Variants in CNTNAP4 observed in about 807,000 individuals in gnomAD.
The protein encoded by CNTNAP4 is contactin associated protein family member 4, also known as contactin-associated protein-like 4.
A neutral mutation model predicts 148.4 loss-of-function variants in CNTNAP4; 98 were observed. That is an observed-to-expected ratio of 0.66 (90% CI 0.56 to 0.78). The LOEUF (loss-of-function observed/expected upper bound fraction) is 0.78, where lower values mean the gene tolerates loss of function less well. CNTNAP4 is among the 30% of genes least tolerant of loss of function. The pLI is 0.00. For missense variants in CNTNAP4, 1,935 were observed against 1,565.6 expected, an observed-to-expected ratio of 1.24 and a Z score of -3.98; for synonymous variants, 730 against 565.1, an observed-to-expected ratio of 1.29 and a Z score of -4.14.
At chr16:76,418,060 G>C (rs1475026420) in intron 3 of CNTNAP4, among the ~76,000 whole-genome samples, 1 of 150,632 alleles carries the variant, frequency 6.6e-6, no homozygotes, top group Non-Finnish European at 1.5e-5. Context: ...ACTGTAATTT[G>C]CATCTGATAT....
At chr16:76,415,370 G>C (rs1597465111) in intron 3 of CNTNAP4, among the ~76,000 whole-genome samples, 1 of 150,936 alleles carries the variant, frequency 6.6e-6, no homozygotes, top group East Asian at 1.9e-4. Context: ...AACTTAAAAT[G>C]AGCATATCTA....
chr16:76,476,402 C>A (rs1275380887), intron 11 of CNTNAP4, among the ~76,000 whole-genome samples: 1 of 152,178 alleles, frequency 6.6e-6, no homozygotes, highest in Non-Finnish European at 1.5e-5. Flanking sequence ...CAAATTCTTA[C>A]TATTCATACA....
At position 76,452,591 on chromosome 16, in the gene CNTNAP4, C is replaced by T. The variant is rs1189787756; in HGVS notation, c.1155C>T (p.Asp385=). 2 of 1,614,002 alleles carry T rather than the reference C, an allele frequency of 1.2e-6. No individual in the cohort carries two copies. The highest frequency in any genetic ancestry group is 1.7e-5 in the Admixed American group (1 of 60,028). ...LSSRSYLALP[D]FSGEEEVSAT... The stretch of plus-strand genomic sequence containing the variant: ...CCAGGAGTTATTTAGCACTGCCAGA[C>T]TTCTCTGGAGAGGAGGAGGTTTCTG... Residue 385 remains aspartate (D), a synonymous_variant, in exon 8 of 24, where the codon GAC becomes GAT. Transcript: ENST00000611870.
intron 12 of CNTNAP4, among the ~76,000 whole-genome samples, chr16:76,485,134 T>C (rs563167223): frequency 6.6e-6 from 1 of 152,224 alleles, no homozygotes; most frequent in Non-Finnish European, 1.5e-5. Context: ...TTTCTTTTTT[T>C]GAGACAAAGT....
At chr16:76,328,219 A>C (rs1963185736) in intron 2 of CNTNAP4, among the ~76,000 whole-genome samples, 1 of 152,220 alleles carries the variant, frequency 6.6e-6, no homozygotes, top group Non-Finnish European at 1.5e-5. Context: ...GATCAAAGTT[A>C]ATCAGTGATA....
At chr16:76,339,043 A>C (rs918552545) in intron 2 of CNTNAP4, among the ~76,000 whole-genome samples, 1 of 152,180 alleles carries the variant, frequency 6.6e-6, no homozygotes, top group Non-Finnish European at 1.5e-5. Flanking sequence ...GAATGATATT[A>C]ATAAGCCCTT....
chr16:76,344,054 A>G (rs1964708089), intron 2 of CNTNAP4, among the ~76,000 whole-genome samples: 2 of 152,222 alleles, frequency 1.3e-5, no homozygotes, highest in South Asian at 4.1e-4. Context: ...GAATGCATGC[A>G]TAGGGGAATA....
At chr16:76,427,978 T>A (rs2079471355) in intron 4 of CNTNAP4, among the ~76,000 whole-genome samples, 1 of 152,194 alleles carries the variant, frequency 6.6e-6, no homozygotes, top group Non-Finnish European at 1.5e-5. Context: ...AGTGTTCCAT[T>A]TAGTTTAACC....
intron 1 of CNTNAP4, among the ~76,000 whole-genome samples, chr16:76,296,549 C>T (rs1959320638): frequency 6.6e-6 from 1 of 152,078 alleles, no homozygotes; most frequent in Non-Finnish European, 1.5e-5. Flanking sequence ...ATTAAGCAAA[C>T]ATTTACCAAG....
chr16:76,312,438 C>G (rs952753989), intron 1 of CNTNAP4, among the ~76,000 whole-genome samples: 2 of 152,150 alleles, frequency 1.3e-5, no homozygotes, highest in African/African-American at 2.4e-5. Flanking sequence ...GAATTAAACT[C>G]AGGAGACTCA....
chr16:76,297,022 A>G (rs1375564831), intron 1 of CNTNAP4, among the ~76,000 whole-genome samples: 1 of 152,220 alleles, frequency 6.6e-6, no homozygotes, highest in African/African-American at 2.4e-5. Flanking sequence ...GTTTTCACTC[A>G]ACAAAGTTGT....
At position 76,421,870 on chromosome 16, in the gene CNTNAP4, A is replaced by C. The variant is rs545437950; in HGVS notation, c.391-5582A>C. On this transcript the variant is annotated intron_variant, in intron 3 of 23. Coordinates refer to ENST00000611870, the MANE Select transcript of CNTNAP4 (RefSeq NM_033401.5). The stretch of plus-strand genomic sequence containing the variant: ...TTTGGATGGAGCTGGACTGATTTCT[A>C]TATAATTGCAGAGTCTGCTGTGCAA... Among the ~76,000 whole-genome samples the C allele has an allele frequency of 5.3e-5, 8 of 152,262 alleles. No homozygotes were observed. In the East Asian group the frequency reaches 1.5e-3, roughly 29 times the overall value.
chr16:76,383,765 T>C (rs2016235137), intron 3 of CNTNAP4, among the ~76,000 whole-genome samples: 1 of 152,164 alleles, frequency 6.6e-6, no homozygotes, highest in Non-Finnish European at 1.5e-5. Flanking sequence ...TGAAATAATA[T>C]GATGTCTGGG....
intron 10 of CNTNAP4, among the ~76,000 whole-genome samples, chr16:76,472,760 C>T (rs1399878664): frequency 3.3e-5 from 5 of 152,024 alleles, no homozygotes; most frequent in Non-Finnish European, 1.5e-5. Flanking sequence ...GATGAGAACT[C>T]ATAGACACAA....
chr16:76,361,032 C>G (rs2013368722), intron 3 of CNTNAP4, among the ~76,000 whole-genome samples: 1 of 151,654 alleles, frequency 6.6e-6, no homozygotes, highest in Non-Finnish European at 1.5e-5. Flanking sequence ...ACCACGTTAG[C>G]CAGGATGGCC....
At chr16:76,471,637 C>T (rs1472567725) in intron 10 of CNTNAP4, among the ~76,000 whole-genome samples, 1 of 152,104 alleles carries the variant, frequency 6.6e-6, no homozygotes, top group African/African-American at 2.4e-5. Flanking sequence ...TTTCTACCTG[C>T]CTACCTTCCC....
chr16:76,332,773 T>G (rs1325100337), intron 2 of CNTNAP4, among the ~76,000 whole-genome samples: 4 of 152,128 alleles, frequency 2.6e-5, no homozygotes, highest in Admixed American at 2.6e-4. Context: ...TGGGTGATCC[T>G]AGCCAACCAG....
At chr16:76,362,103 C>G (rs989357300) in intron 3 of CNTNAP4, among the ~76,000 whole-genome samples, 2 of 151,968 alleles carry the variant, frequency 1.3e-5, no homozygotes, top group Non-Finnish European at 2.9e-5. Flanking sequence ...TTTATACATA[C>G]TAACGATAAA....
chr16:76,290,395 C>G (rs149610072), intron 1 of CNTNAP4, among the ~76,000 whole-genome samples: 27 of 152,280 alleles, frequency 1.8e-4, no homozygotes, highest in South Asian at 4.1e-4. Context: ...ACCACATATG[C>G]TCATTCCTTC....
Sources: allele counts gnomAD v4.1 joint callset (sites outside exome capture counted in the v4.1 genomes callset), GRCh38; gene constraint gnomAD v4.1.1; transcripts MANE v1.5; gene names NCBI Gene and HGNC (gene_info 2026-07-23, HGNC 2026-07-21).